The following LUC7L variants were observed in gnomAD, a reference collection of about 807,000 sequenced individuals.
LUC7L encodes the protein putative RNA-binding protein Luc7-like 1.
Under a neutral mutation model 51.1 loss-of-function variants are expected in LUC7L, and 29 were observed. The observed-to-expected ratio is 0.57, with a 90% CI of 0.42 to 0.77. The LOEUF (loss-of-function observed/expected upper bound fraction) is 0.77. Ranked by LOEUF, LUC7L falls within the 30% of genes least tolerant of loss-of-function variation. The probability of loss-of-function intolerance (pLI) is 0.00; values close to 1 mark genes in which losing one functional copy is unlikely to be tolerated. For missense variants in LUC7L, 403 were observed against 511.9 expected (o/e 0.79, Z 2.05); for synonymous variants, 181 against 180.7 (o/e 1.00, Z -0.01).
chr16:217,343 G>A (rs2049832114), intron 3 of LUC7L, among the ~76,000 whole-genome samples: 1 of 151,996 alleles, frequency 6.6e-6, no homozygotes, highest in African/African-American at 2.4e-5. Context: ...ATTGAGAATT[G>A]CATTCCTGTG....
chr16:190,538 T>C lies in LUC7L; in HGVS notation c.806+3A>G. 4.3e-6 allele frequency: 7 copies of C among 1,613,806 alleles called. No individual in the cohort carries two copies. The highest frequency in any genetic ancestry group is 5.9e-6 in the Non-Finnish European group (7 of 1,179,950). On this transcript the variant is annotated splice_donor_region_variant and intron_variant, in intron 8 of 9. Coordinates refer to ENST00000293872, the MANE Select transcript of LUC7L (RefSeq NM_201412.3). ...GAACATTTTAATGGACCTGGAAACC[T>C]ACCTCCTGCGATCTCTGGTTCTTGA...
chr16:199,455 G>T (rs2049256365), intron 5 of LUC7L, among the ~76,000 whole-genome samples: 1 of 152,142 alleles, frequency 6.6e-6, no homozygotes, highest in African/African-American at 2.4e-5. Context: ...TGTGAGGCCA[G>T]GTGGGCGGAC....
chr16:210,025 C>T (rs573068087), intron 3 of LUC7L, among the ~76,000 whole-genome samples: 68 of 152,286 alleles, frequency 4.5e-4, no homozygotes, highest in African/African-American at 1.6e-3. Flanking sequence ...TGGTAGCTCA[C>T]GCCTGTAATC....
At position 204,218 on chromosome 16, in the gene LUC7L, C is replaced by T. The variant is rs147500092; in HGVS notation, c.510+1786G>A. Among the ~76,000 whole-genome samples the T allele has an allele frequency of 7.5e-3, 1,126 of 150,720 alleles. 13 individuals are homozygous for T. The highest frequency in any genetic ancestry group is 0.026 in the African/African-American group (1,046 of 40,968). On this transcript the variant is annotated intron_variant, in intron 5 of 9. Transcript: ENST00000293872. Reference sequence around the variant, plus strand: ...CAGCACTTTGGGAGGCCAAGGCAGACGGATCACCTGAGGTCAGAAGTTTGA... The same window carrying T: ...CAGCACTTTGGGAGGCCAAGGCAGATGGATCACCTGAGGTCAGAAGTTTGA...
At chr16:210,118 T>C (rs2049598320) in intron 3 of LUC7L, among the ~76,000 whole-genome samples, 1 of 152,246 alleles carries the variant, frequency 6.6e-6, no homozygotes, top group South Asian at 2.1e-4. Flanking sequence ...AGAAACCCCA[T>C]CTCTACTAAA....
chr16:198,117 A>G (rs1371215225), intron 6 of LUC7L, among the ~76,000 whole-genome samples: 3 of 151,578 alleles, frequency 2.0e-5, no homozygotes, highest in Non-Finnish European at 4.4e-5. Context: ...AAATACAACA[A>G]CAACAACAAA....
intron 5 of LUC7L, among the ~76,000 whole-genome samples, chr16:205,686 T>G (rs2049464118): frequency 6.6e-6 from 1 of 152,024 alleles, no homozygotes; most frequent in Admixed American, 6.6e-5. Flanking sequence ...GCCTCCCGGG[T>G]TCACGCCATT....
intron 3 of LUC7L, chr16:220,412 TA>T: frequency 2.4e-6 from 1 of 422,732 alleles, no homozygotes; most frequent in Non-Finnish European, 4.2e-6. Flanking sequence ...AAAATGTAAT[TA>T]AAATTTTTAA....
At chr16:224,873 T>G (rs1458230645) in intron 2 of LUC7L, among the ~76,000 whole-genome samples, 1 of 151,992 alleles carries the variant, frequency 6.6e-6, no homozygotes, top group Non-Finnish European at 1.5e-5. Context: ...AGCACTTACT[T>G]TTCAATGTGA....
chr16:223,092 G>C (rs1270650444), intron 2 of LUC7L, among the ~76,000 whole-genome samples: 1 of 151,654 alleles, frequency 6.6e-6, no homozygotes, highest in Non-Finnish European at 1.5e-5. Flanking sequence ...GGGCACGGTG[G>C]CTCACTCCTG....
Position 229,397 on chromosome 16 carries a change from C to T in LUC7L, c.-58G>A. ...ACGACTTCTCTCAGGCAGGCGGTGG[C>T]AGCGGCGTCGACAAACGATGGTCGC... On this transcript the variant is annotated 5_prime_UTR_variant, in exon 1 of 10. Transcript: ENST00000293872. 1 of 1,405,898 alleles carries T rather than the reference C, an allele frequency of 7.1e-7. No individual in the cohort carries two copies. Among genetic ancestry groups the T allele is most frequent in the African/African-American group, 1.5e-5 (1 of 66,958 alleles). The allele number at this position is 1,405,898 out of a possible 1,614,324, so 87.1% of individuals were successfully genotyped here. A position where few individuals can be genotyped will look rare whatever the true frequency, so the allele number is the denominator to read the frequency against.
At chr16:224,201 C>T (rs1165090812) in intron 2 of LUC7L, among the ~76,000 whole-genome samples, 1 of 152,140 alleles carries the variant, frequency 6.6e-6, no homozygotes, top group Non-Finnish European at 1.5e-5. Flanking sequence ...AAAAACTCAA[C>T]TGTCAAGAAA....
Position 189,065 on chromosome 16 carries a change from A to G in LUC7L, c.*133T>C. ...CACAGGAGCAACTCTGTACACTTCTAGAAACTCACAGCTAGCTCCAAAACA... is the reference window on the plus strand; with the variant it reads ...CACAGGAGCAACTCTGTACACTTCTGGAAACTCACAGCTAGCTCCAAAACA... On this transcript the variant is annotated 3_prime_UTR_variant, in exon 10 of 10. Transcript: ENST00000293872. 3 of 1,029,760 alleles carry G rather than the reference A, an allele frequency of 2.9e-6. No individual in the cohort carries two copies. The highest frequency in any genetic ancestry group is 4.3e-6 in the Non-Finnish European group (3 of 700,230). 63.8% of individuals were successfully genotyped at this position (1,029,760 alleles called of 1,614,324 possible). A position where few individuals can be genotyped will look rare whatever the true frequency, so the allele number is the denominator to read the frequency against.
intron 4 of LUC7L, among the ~76,000 whole-genome samples, chr16:207,315 C>T (rs2049511293): frequency 6.6e-6 from 1 of 152,060 alleles, no homozygotes; most frequent in Admixed American, 6.6e-5. Context: ...TCAATCTCCC[C>T]AAGCTCAAGT....
chr16:219,974 A>C (rs972357682), intron 3 of LUC7L, among the ~76,000 whole-genome samples: 2 of 152,168 alleles, frequency 1.3e-5, no homozygotes, highest in African/African-American at 4.8e-5. Flanking sequence ...ACAACCACTA[A>C]ACTGCAAAAA....
intron 5 of LUC7L, among the ~76,000 whole-genome samples, chr16:203,211 G>T (rs994750177): frequency 6.6e-6 from 1 of 152,120 alleles, no homozygotes; most frequent in African/African-American, 2.4e-5. Context: ...AGAAACAGAT[G>T]ATCTGAATGA....
intron 3 of LUC7L, among the ~76,000 whole-genome samples, chr16:214,964 G>C (rs1049526713): frequency 3.3e-5 from 5 of 152,094 alleles, no homozygotes; most frequent in Non-Finnish European, 5.9e-5. Flanking sequence ...CCAGAACTTC[G>C]AAGACTGAAG....
chr16:208,701 G>C, intron 3 of LUC7L: 1 of 881,966 alleles, frequency 1.1e-6, no homozygotes, highest in Non-Finnish European at 1.4e-6. Context: ...ATTACTGAGA[G>C]CTATGAATAC....
At chr16:228,267 A>G (rs749740147) in intron 1 of LUC7L, 1 of 1,300,890 alleles carries the variant, frequency 7.7e-7, no homozygotes, top group Non-Finnish European at 1.0e-6. Context: ...TACACTTTTA[A>G]AGTTACTTGT....
Sources: gnomAD v4.1 joint callset for allele counts (sites outside exome capture counted in the v4.1 genomes callset) on GRCh38, gnomAD v4.1.1 for gene constraint, MANE v1.5 for transcripts, NCBI Gene and HGNC (gene_info 2026-07-23, HGNC 2026-07-21) for gene names.